The following DLGAP1 variants were observed in gnomAD, a reference collection of about 807,000 sequenced individuals.
DLGAP1 encodes DLG associated protein 1.
In DLGAP1, 11 loss-of-function variants were observed where a neutral mutation model predicts 90.8. The ratio of observed to expected loss-of-function variants is 0.12; its 90% CI spans 0.08 to 0.20. DLGAP1 has a LOEUF of 0.20. Ranked by LOEUF, DLGAP1 falls within the 10% of genes least tolerant of loss-of-function variation. The pLI is 1.00. For synonymous variants in DLGAP1, 558 were observed against 540.7 expected (o/e 1.03, Z -0.44); for missense variants, 1,050 against 1,333.8 (o/e 0.79, Z 3.31).
intron 5 of DLGAP1, among the ~76,000 whole-genome samples, chr18:3,805,556 A>T (rs532682122): frequency 5.3e-4 from 80 of 152,224 alleles, no homozygotes; most frequent in Non-Finnish European, 1.1e-3. Context: ...TGGTCATTCC[A>T]CTGATAGAAA....
chr18:3,959,685 G>C (rs1159852130), intron 3 of DLGAP1, among the ~76,000 whole-genome samples: 2 of 151,228 alleles, frequency 1.3e-5, no homozygotes, highest in Non-Finnish European at 2.9e-5. Flanking sequence ...AAGAAAGAAA[G>C]AAAGAAAGAA....
chr18:3,700,365 G>A (rs950568902), intron 7 of DLGAP1, among the ~76,000 whole-genome samples: 1 of 152,092 alleles, frequency 6.6e-6, no homozygotes, highest in African/African-American at 2.4e-5. Flanking sequence ...GGCTTCCTTC[G>A]GCTAGGGGAG....
intron 4 of DLGAP1, among the ~76,000 whole-genome samples, chr18:3,856,959 A>G (rs905240089): frequency 2.6e-5 from 4 of 151,996 alleles, no homozygotes; most frequent in Non-Finnish European, 4.4e-5. Flanking sequence ...TGCTCTATGT[A>G]TTAAATTATT....
At position 3,565,541 on chromosome 18, in the gene DLGAP1, A is replaced by G. The variant is rs1193196728; in HGVS notation, c.2057+1949T>C. Among the ~76,000 whole-genome samples the G allele has an allele frequency of 6.6e-6, 1 of 152,118 alleles. No homozygotes were observed. ...AAGAAACATATGCCTAGGACATTAA[A>G]GCAATGATTACCGGCCCAGCGCGGT... is the stretch of plus-strand genomic sequence containing the variant. On this transcript the variant is annotated intron_variant, in intron 9 of 12. Coordinates refer to ENST00000315677, the MANE Select transcript of DLGAP1 (RefSeq NM_004746.4). This position sits in a 1 kb window ranked among gnomAD's most constrained non-coding sequence, Gnocchi z 4.0.
intron 7 of DLGAP1, among the ~76,000 whole-genome samples, chr18:3,666,276 G>C (rs1362630808): frequency 6.6e-6 from 1 of 152,210 alleles, no homozygotes; most frequent in African/African-American, 2.4e-5. Flanking sequence ...CACAAATACT[G>C]AAGGGCAATT....
intron 2 of DLGAP1, among the ~76,000 whole-genome samples, chr18:4,094,184 T>A (rs1199183348): frequency 2.0e-5 from 3 of 152,200 alleles, no homozygotes; most frequent in African/African-American, 7.2e-5. Context: ...AAAATTGACA[T>A]TAATTCAAAG....
At chr18:4,248,415 T>A (rs2078699660) in intron 1 of DLGAP1, among the ~76,000 whole-genome samples, 1 of 152,160 alleles carries the variant, frequency 6.6e-6, no homozygotes, top group Non-Finnish European at 1.5e-5. Context: ...CTTTCTTTTC[T>A]TCTTTATTAT....
chr18:3,949,193 C>T (rs576212651), intron 3 of DLGAP1, among the ~76,000 whole-genome samples: 1 of 152,162 alleles, frequency 6.6e-6, no homozygotes, highest in East Asian at 1.9e-4. Context: ...CTCTTTCTTG[C>T]CCTTACCAAA....
At chr18:3,737,306 G>C (rs1277225463) in intron 6 of DLGAP1, among the ~76,000 whole-genome samples, 1 of 152,172 alleles carries the variant, frequency 6.6e-6, no homozygotes, top group Non-Finnish European at 1.5e-5. Context: ...AAGCCTGGCA[G>C]AGAGACACAA....
chr18:3,530,186 GC>G (rs1183114198), intron 10 of DLGAP1, among the ~76,000 whole-genome samples: 2 of 152,156 alleles, frequency 1.3e-5, no homozygotes, highest in African/African-American at 4.8e-5. Flanking sequence ...TGGGGGGATT[GC>G]TTGAGGCCAG....
At chr18:3,566,833 A>C (rs1399109378) in intron 9 of DLGAP1, among the ~76,000 whole-genome samples, 7 of 152,180 alleles carry the variant, frequency 4.6e-5, no homozygotes, top group Admixed American at 4.6e-4. Context: ...GCAATAAAAC[A>C]TGGTTCTACC....
intron 1 of DLGAP1, among the ~76,000 whole-genome samples, chr18:4,357,326 G>A (rs1598275621): frequency 6.6e-6 from 1 of 151,712 alleles, no homozygotes; most frequent in East Asian, 1.9e-4. Flanking sequence ...GCTAATTTTT[G>A]TATTTTTAGT....
At chr18:4,063,643 A>C (rs764342915) in intron 2 of DLGAP1, among the ~76,000 whole-genome samples, 2 of 152,070 alleles carry the variant, frequency 1.3e-5, no homozygotes, top group Non-Finnish European at 2.9e-5. Context: ...TATACCTATA[A>C]AAATCTGAAA....
chr18:3,967,674 T>C (rs1164740928), intron 3 of DLGAP1, among the ~76,000 whole-genome samples: 1 of 152,226 alleles, frequency 6.6e-6, no homozygotes, highest in Non-Finnish European at 1.5e-5. Context: ...AATGGTAGTA[T>C]TGATCACTCT....
chr18:3,757,231 A>G (rs192676400), intron 5 of DLGAP1, among the ~76,000 whole-genome samples: 160 of 152,258 alleles, frequency 1.1e-3, no homozygotes, highest in African/African-American at 3.2e-3. Flanking sequence ...AAAATGGCGA[A>G]ACCCCATCTC....
At chr18:4,346,743 T>C (rs926725917) in intron 1 of DLGAP1, among the ~76,000 whole-genome samples, 17 of 152,288 alleles carry the variant, frequency 1.1e-4, no homozygotes, top group African/African-American at 3.6e-4. Context: ...TACAATAGCA[T>C]TGCATTATTT....
At chr18:4,098,174 A>C (rs2075715702) in intron 2 of DLGAP1, among the ~76,000 whole-genome samples, 1 of 152,174 alleles carries the variant, frequency 6.6e-6, no homozygotes, top group Non-Finnish European at 1.5e-5. Context: ...TCGGCCTCCC[A>C]AACTGCTGGG....
intron 4 of DLGAP1, among the ~76,000 whole-genome samples, chr18:3,877,516 ATGTGTG>A (rs2071034415): frequency 6.6e-6 from 1 of 152,170 alleles, no homozygotes; most frequent in Non-Finnish European, 1.5e-5. Context: ...CGCAGACAAA[ATGTGTG>A]GTACTCTAGG....
At chr18:3,794,920 T>C (rs955285280) in intron 5 of DLGAP1, among the ~76,000 whole-genome samples, 1 of 152,202 alleles carries the variant, frequency 6.6e-6, no homozygotes, top group African/African-American at 2.4e-5. Context: ...CTCCCACTTA[T>C]CTCCCACTGC....
Sources: allele counts gnomAD v4.1 joint callset (sites outside exome capture counted in the v4.1 genomes callset), GRCh38; gene constraint gnomAD v4.1.1; non-coding constraint Gnocchi (gnomAD v3.1); transcripts MANE v1.5; gene names NCBI Gene and HGNC (gene_info 2026-07-23, HGNC 2026-07-21).